The following IQSEC1 variants were observed in gnomAD, a reference collection of about 807,000 sequenced individuals.
IQSEC1 encodes IQ motif and SEC7 domain-containing protein 1.
Under a neutral mutation model 91.0 loss-of-function variants are expected in IQSEC1, and 31 were observed. The observed-to-expected ratio is 0.34, with a 90% confidence interval of 0.26 to 0.46. The LOEUF is 0.46. Among genes scored for constraint, IQSEC1 ranks in the 20% least tolerant of loss-of-function variants. The pLI is 1.00. For missense variants in IQSEC1, 1,388 were observed against 1,575.6 expected (o/e 0.88, Z 2.02); for synonymous variants, 699 against 662.6 (o/e 1.05, Z -0.84).
chr3:13,073,400 G>A lies in IQSEC1; in HGVS notation c.-386C>T, dbSNP rs1216083571. ...GATGAGGAGGGGAGGGTCGAGAGAA[G>A]GCTGCCCCGGGTTTGCTCTCGCAGC... is the stretch of plus-strand genomic sequence containing the variant. On this transcript the variant is annotated 5_prime_UTR_variant, in exon 1 of 14. Transcript: ENST00000613206. 6.6e-6 allele frequency among the ~76,000 whole-genome samples: 1 copy of A among 151,944 alleles called. No individual in the cohort carries two copies.
intron 3 of IQSEC1, among the ~76,000 whole-genome samples, chr3:12,929,450 G>C (rs1345974726): frequency 6.6e-6 from 1 of 152,200 alleles, no homozygotes. Flanking sequence ...AAGGTCCCTG[G>C]TGGAGGGAAC....
intron 1 of IQSEC1, among the ~76,000 whole-genome samples, chr3:12,951,896 G>A (rs578130513): frequency 3.3e-5 from 5 of 152,278 alleles, no homozygotes; most frequent in South Asian, 4.2e-4. Flanking sequence ...GTTGAGTCCC[G>A]TGCTCAGAGC....
At chr3:12,988,632 G>A (rs1221003838) in intron 1 of IQSEC1, among the ~76,000 whole-genome samples, 2 of 152,106 alleles carry the variant, frequency 1.3e-5, no homozygotes, top group Non-Finnish European at 2.9e-5. Flanking sequence ...GGGCAAGAGG[G>A]ACATTATTAG....
intron 2 of IQSEC1, among the ~76,000 whole-genome samples, chr3:13,137,341 T>C (rs1357357167): frequency 9.9e-5 from 15 of 152,186 alleles, no homozygotes; most frequent in Admixed American, 9.8e-4. Context: ...ACAATTTATT[T>C]TCACATCAGC....
At chr3:12,997,302 C>G (rs1702262343) in intron 1 of IQSEC1, among the ~76,000 whole-genome samples, 1 of 152,168 alleles carries the variant, frequency 6.6e-6, no homozygotes, top group South Asian at 2.1e-4. Flanking sequence ...AACAAAAAAA[C>G]TCTTATTGAT....
intron 2 of IQSEC1, among the ~76,000 whole-genome samples, chr3:13,082,504 C>G (rs573078276): frequency 6.6e-6 from 1 of 152,312 alleles, no homozygotes; most frequent in Admixed American, 6.5e-5. Context: ...GGCTTTCACA[C>G]TGAGCACTGC....
chr3:12,913,302 A>T, intron 9 of IQSEC1, 126 bp downstream of exon 9: 1 of 1,009,616 alleles, frequency 9.9e-7, no homozygotes, highest in Non-Finnish European at 1.4e-6. Context: ...TGTGAAAGAC[A>T]CCAGGCAAAC....
chr3:13,005,325 C>T (rs762842607), intron 1 of IQSEC1, among the ~76,000 whole-genome samples: 6 of 152,178 alleles, frequency 3.9e-5, no homozygotes, highest in Non-Finnish European at 8.8e-5. Flanking sequence ...GTGGAGACCG[C>T]AGCCCAGGGC....
intron 1 of IQSEC1, among the ~76,000 whole-genome samples, chr3:13,278,838 G>C (rs911641315): frequency 1.3e-5 from 2 of 152,094 alleles, no homozygotes; most frequent in South Asian, 2.1e-4. Flanking sequence ...GCAGGGTGGG[G>C]GGGGACAGGG....
At chr3:13,129,718 C>T (rs868553406) in intron 2 of IQSEC1, among the ~76,000 whole-genome samples, 22 of 137,750 alleles carry the variant, frequency 1.6e-4, no homozygotes, top group Middle Eastern at 4.9e-3. Context: ...AGTGCAGTGA[C>T]GCCATCTCAG....
chr3:13,000,464 T>C (rs560980130), intron 1 of IQSEC1, among the ~76,000 whole-genome samples: 2 of 152,304 alleles, frequency 1.3e-5, no homozygotes, highest in South Asian at 2.1e-4. Context: ...AGAAATTCTA[T>C]AGATGTTAGC....
At chr3:13,054,532 T>C (rs1704806915) in intron 1 of IQSEC1, among the ~76,000 whole-genome samples, 1 of 152,228 alleles carries the variant, frequency 6.6e-6, no homozygotes, top group South Asian at 2.1e-4. Context: ...ACGCTGGGTC[T>C]GCATTCCTGG....
chr3:12,914,853 AGGGTCT>A (rs1019575526), intron 8 of IQSEC1, among the ~76,000 whole-genome samples: 3 of 152,000 alleles, frequency 2.0e-5, no homozygotes, highest in Non-Finnish European at 2.9e-5. Flanking sequence ...TTTCAGGCGC[AGGGTCT>A]GGGGGCTGGG....
At chr3:13,024,474 C>A (rs1703534845) in intron 1 of IQSEC1, among the ~76,000 whole-genome samples, 1 of 135,914 alleles carries the variant, frequency 7.4e-6, no homozygotes, top group African/African-American at 2.8e-5. Context: ...TCCATCCACC[C>A]ATCCATCCAT....
intron 2 of IQSEC1, among the ~76,000 whole-genome samples, chr3:13,116,851 C>T (rs1040234534): frequency 6.6e-6 from 1 of 152,076 alleles, no homozygotes; most frequent in Non-Finnish European, 1.5e-5. Flanking sequence ...GGGCCAAAGA[C>T]CTAAGTGTAA....
At chr3:13,034,958 G>C (rs1156233909) in intron 1 of IQSEC1, among the ~76,000 whole-genome samples, 1 of 152,250 alleles carries the variant, frequency 6.6e-6, no homozygotes, top group Admixed American at 6.5e-5. Context: ...CTGGTGGGGT[G>C]GGAATTCAGA....
At chr3:13,058,475 C>T (rs1329771444) in intron 1 of IQSEC1, among the ~76,000 whole-genome samples, 1 of 152,162 alleles carries the variant, frequency 6.6e-6, no homozygotes, top group African/African-American at 2.4e-5. Context: ...TGTTATCTTT[C>T]CCACCTCACA....
In IQSEC1 at chr3:13,149,592, G is replaced by A. The variant is rs1010563898; in HGVS notation, c.302+14512C>T. On this transcript the variant is annotated intron_variant, in intron 2 of 15. Transcript: ENST00000648114. The stretch of plus-strand genomic sequence containing the variant: ...GAGGGTGATGCACCCTGGGAAATCC[G>A]GCTCCTCTATTGAGGCGGGAGCTGT... Among the ~76,000 whole-genome samples, 5 of 152,064 alleles carry A rather than the reference G, an allele frequency of 3.3e-5. No homozygotes were observed. In the East Asian group the frequency reaches 7.7e-4, roughly 24 times the overall value.
Position 13,188,309 on chromosome 3 carries a change from T to A in IQSEC1, c.273-24176A>T, listed in dbSNP as rs1395986141. On this transcript the variant is annotated intron_variant, in intron 1 of 15. Transcript: ENST00000648114. ...AAGGTTCACATGGAGCACAGCACCC[T>A]CCTCCACTCCAAGACAGCATGTGAT... Among the ~76,000 whole-genome samples the A allele has an allele frequency of 2.6e-5, 4 of 152,086 alleles. No individual in the cohort carries two copies. In the East Asian group the frequency reaches 7.7e-4, roughly 29 times the overall value.
Sources: allele counts gnomAD v4.1 joint callset (sites outside exome capture counted in the v4.1 genomes callset), GRCh38; gene constraint gnomAD v4.1.1; transcripts MANE v1.5; gene names NCBI Gene and HGNC (gene_info 2026-07-23, HGNC 2026-07-21).